The following GRM7 variants were observed in gnomAD, a reference collection of about 807,000 sequenced individuals.
GRM7 encodes the protein metabotropic glutamate receptor 7.
Under a neutral mutation model 84.5 loss-of-function variants are expected in GRM7, and 35 were observed. The observed-to-expected ratio is 0.41, with a 90% CI of 0.32 to 0.55. GRM7 has a LOEUF of 0.55. Ranked by LOEUF, GRM7 falls within the 20% of genes least tolerant of loss-of-function variation. GRM7 has a pLI of 0.19. For synonymous variants in GRM7, 487 were observed against 455.1 expected (o/e 1.07, Z -0.89); for missense variants, 1,003 against 1,194.6 (o/e 0.84, Z 2.36).
chr3:7,242,442 C>A (rs914996443), intron 2 of GRM7, among the ~76,000 whole-genome samples: 7 of 152,106 alleles, frequency 4.6e-5, no homozygotes, highest in African/African-American at 1.7e-4. Flanking sequence ...GTGCATCTTG[C>A]TTTGAAAAAT....
intron 9 of GRM7, among the ~76,000 whole-genome samples, chr3:7,702,187 C>A (rs1701250781): frequency 6.6e-6 from 1 of 152,202 alleles, no homozygotes; most frequent in South Asian, 2.1e-4. Flanking sequence ...ACTGAAGTCT[C>A]AGGCCTTAGT....
At chr3:7,171,488 G>C (rs1489796835) in intron 2 of GRM7, among the ~76,000 whole-genome samples, 1 of 152,110 alleles carries the variant, frequency 6.6e-6, no homozygotes, top group African/African-American at 2.4e-5. Flanking sequence ...CACAGCTATA[G>C]ATTTTATGGC....
rs554111194 is a variant in GRM7, at chr3:6,951,811, C to G, written c.519+89904C>G. Among the ~76,000 whole-genome samples, 3 of 152,224 alleles carry G rather than the reference C, an allele frequency of 2.0e-5. No homozygotes were observed. The South Asian group carries it at 6.2e-4, about 32-fold the overall frequency. ...GATAGTGGGGTAAAAGTCCAGTGTA[C>G]CCTTACTCACTTTTCTATCTACTTA... is the stretch of plus-strand genomic sequence containing the variant. On this transcript the variant is annotated intron_variant, in intron 1 of 9. Transcript: ENST00000357716.
At chr3:7,544,881 T>C (rs1011036363) in intron 7 of GRM7, among the ~76,000 whole-genome samples, 1 of 152,374 alleles carries the variant, frequency 6.6e-6, no homozygotes, top group African/African-American at 2.4e-5. Context: ...TAAAGCATTG[T>C]AAGTTCTAAA....
At chr3:7,592,230 T>C (rs1695819455) in intron 8 of GRM7, among the ~76,000 whole-genome samples, 1 of 151,314 alleles carries the variant, frequency 6.6e-6, no homozygotes, top group African/African-American at 2.4e-5. Flanking sequence ...AAATGAAATA[T>C]AAGGAGAATA....
intron 1 of GRM7, among the ~76,000 whole-genome samples, chr3:7,118,433 A>C (rs922883569): frequency 2.0e-5 from 3 of 150,688 alleles, no homozygotes; most frequent in Non-Finnish European, 4.4e-5. Context: ...AAAAATAAGA[A>C]ACTTCACCAT....
chr3:7,044,521 C>A (rs928413014), intron 1 of GRM7, among the ~76,000 whole-genome samples: 1 of 152,170 alleles, frequency 6.6e-6, no homozygotes, highest in Non-Finnish European at 1.5e-5. Flanking sequence ...CAACACTTCC[C>A]AATCTACTTA....
At chr3:7,295,668 C>G (rs6793285) in intron 2 of GRM7, among the ~76,000 whole-genome samples, 5,322 of 152,194 alleles carry the variant, frequency 0.035, 300 homozygotes, top group African/African-American at 0.12. Flanking sequence ...ATTTTGTTGC[C>G]TAAGCAGGAC....
At chr3:7,153,776 G>A (rs896103900) in intron 2 of GRM7, among the ~76,000 whole-genome samples, 6 of 151,582 alleles carry the variant, frequency 4.0e-5, no homozygotes, top group African/African-American at 1.2e-4. Context: ...CTATTTCAGG[G>A]TAATAATGAT....
chr3:7,065,752 T>A (rs996297121), intron 1 of GRM7, among the ~76,000 whole-genome samples: 1 of 151,852 alleles, frequency 6.6e-6, no homozygotes, highest in Admixed American at 6.6e-5. Flanking sequence ...CAGATGGAGA[T>A]TGCATTGAAT....
rs114705725 is a variant in GRM7, at chr3:7,369,924, G to A, written c.1034-45099G>A. Among the ~76,000 whole-genome samples the A allele has an allele frequency of 6.2e-3, 941 of 152,062 alleles. 6 individuals are homozygous for A. Among genetic ancestry groups the A allele is most frequent in the African/African-American group, 0.021 (886 of 41,488 alleles). ...TTTTCTATTATTTTTCTTCTATTCC[G>A]ATCTAGTCGAGGATCCCACAGGTAA... On this transcript the variant is annotated intron_variant, in intron 4 of 9. Coordinates refer to ENST00000357716, the MANE Select transcript of GRM7 (RefSeq NM_000844.4).
intron 1 of GRM7, among the ~76,000 whole-genome samples, chr3:7,129,094 C>A (rs1445215200): frequency 6.6e-6 from 1 of 152,080 alleles, no homozygotes; most frequent in Non-Finnish European, 1.5e-5. Flanking sequence ...AGGAGTGCAC[C>A]AATTTAGTAG....
At chr3:7,300,798 G>A (rs73809057) in intron 3 of GRM7, among the ~76,000 whole-genome samples, 2,486 of 152,112 alleles carry the variant, frequency 0.016, 71 homozygotes, top group African/African-American at 0.057. Flanking sequence ...TTATGTGAAT[G>A]GTGCCATTTT....
At chr3:7,329,980 A>G (rs1701138012) in intron 4 of GRM7, among the ~76,000 whole-genome samples, 1 of 152,146 alleles carries the variant, frequency 6.6e-6, no homozygotes, top group Non-Finnish European at 1.5e-5. Flanking sequence ...TTTGGGAGTC[A>G]CTCAATAGTA....
rs553606182 is a variant in GRM7 at position 7,012,475 on chromosome 3, C to A, written c.520-133977C>A. Among the ~76,000 whole-genome samples the A allele has an allele frequency of 1.2e-4, 18 of 152,204 alleles. 1 individual carries two copies. In the South Asian group the frequency reaches 3.7e-3, roughly 32 times the overall value. On this transcript the variant is annotated intron_variant, in intron 1 of 9. Coordinates refer to ENST00000357716, the MANE Select transcript of GRM7 (RefSeq NM_000844.4). Reference sequence around the variant, plus strand: ...GGAAACACTACCCCAGAATAGCCCTCATTGACATATTTAATATTTTAAACT... The same window carrying A: ...GGAAACACTACCCCAGAATAGCCCTAATTGACATATTTAATATTTTAAACT...
chr3:7,596,873 G>C (rs1020166242), intron 8 of GRM7, among the ~76,000 whole-genome samples: 1 of 152,156 alleles, frequency 6.6e-6, no homozygotes, highest in Non-Finnish European at 1.5e-5. Context: ...GAGGGTTATA[G>C]GATCAAGGGA....
intron 4 of GRM7, among the ~76,000 whole-genome samples, chr3:7,336,991 A>G (rs1343874383): frequency 1.3e-5 from 2 of 152,142 alleles, no homozygotes; most frequent in Non-Finnish European, 2.9e-5. Flanking sequence ...TATAAATTCA[A>G]TGCAATTCCC....
chr3:7,041,293 T>G (rs986415587), intron 1 of GRM7, among the ~76,000 whole-genome samples: 2 of 152,150 alleles, frequency 1.3e-5, no homozygotes, highest in East Asian at 3.9e-4. Flanking sequence ...TTCTCCTGAC[T>G]CCTTCCACCT....
chr3:7,678,154 C>G (rs1421101857), intron 8 of GRM7, among the ~76,000 whole-genome samples: 2 of 151,976 alleles, frequency 1.3e-5, no homozygotes, highest in Non-Finnish European at 2.9e-5. Flanking sequence ...ATTCATACCC[C>G]AAACCTCAGC....
Sources: allele counts gnomAD v4.1 joint callset (sites outside exome capture counted in the v4.1 genomes callset), GRCh38; gene constraint gnomAD v4.1.1; transcripts MANE v1.5; gene names NCBI Gene and HGNC (gene_info 2026-07-23, HGNC 2026-07-21).